LEUTX: variants seen among roughly 807,000 people sequenced by gnomAD.
The protein encoded by LEUTX is paired-like homeodomain transcription factor LEUTX.
LEUTX carries 5 observed loss-of-function variants against 4.5 expected under a neutral mutation model. The observed-to-expected ratio is 1.11, with a 90% CI of 0.58 to 2.34. The LOEUF is 2.34. Ranked by LOEUF, LEUTX falls within the 30% of genes most tolerant of loss-of-function variation. The pLI, the probability that LEUTX is intolerant of heterozygous loss-of-function variation, is 0.01. For synonymous variants in LEUTX, 89 were observed against 85.1 expected, an observed-to-expected ratio of 1.05 and a Z score of -0.25; for missense variants, 233 against 239.4, an observed-to-expected ratio of 0.97 and a Z score of 0.18.
In LEUTX at chr19:39,785,651, T is replaced by C. The variant is rs555000947; in HGVS notation, c.160-47T>C. ...TTCCTGAGGAACATGAGGATGCCCC[T>C]TTATACTCAACATCCATTATTAACC... On this transcript the variant is annotated intron_variant, in intron 2 of 2. Transcript: ENST00000638280. 445 of 1,455,202 alleles carry C rather than the reference T, an allele frequency of 3.1e-4. 3 individuals carry two copies. In the African/African-American group the frequency reaches 5.9e-3, roughly 19 times the overall value. 90.1% of individuals were successfully genotyped at this position (1,455,202 alleles called of 1,614,324 possible). A position where few individuals can be genotyped will look rare whatever the true frequency, so the allele number is the denominator to read the frequency against.
upstream of LEUTX, among the ~76,000 whole-genome samples, chr19:39,778,204 C>G (rs1443340382): frequency 6.6e-6 from 1 of 152,134 alleles, no homozygotes; most frequent in African/African-American, 2.4e-5. Context: ...GAGAGGGATG[C>G]TCAGAGGAAA....
chr19:39,781,431 G>A (rs989744949), intron 1 of LEUTX, among the ~76,000 whole-genome samples: 1 of 152,178 alleles, frequency 6.6e-6, no homozygotes, highest in Non-Finnish European at 1.5e-5. Context: ...CACTAATACA[G>A]TTTGCATATT....
intron 1 of LEUTX, 138 bp from the exon 2 acceptor site, chr19:39,784,389 G>A: frequency 1.9e-6 from 1 of 527,826 alleles, no homozygotes. Flanking sequence ...ATTTGTGTAG[G>A]CTCTGTCAGA....
chr19:39,781,279 GT>G (rs1568514658), intron 1 of LEUTX, among the ~76,000 whole-genome samples: 1 of 152,058 alleles, frequency 6.6e-6, no homozygotes, highest in African/African-American at 2.4e-5. Flanking sequence ...GTTGGCTTCT[GT>G]TTTTCCATGT....
At chr19:39,777,255 T>C (rs965504321), upstream of LEUTX, among the ~76,000 whole-genome samples, 1 of 152,218 alleles carries the variant, frequency 6.6e-6, no homozygotes, top group Non-Finnish European at 1.5e-5. Flanking sequence ...ACACCAGTAG[T>C]ATCATAATCA....
chr19:39,776,943 T>G (rs1967805296), upstream of LEUTX, among the ~76,000 whole-genome samples: 1 of 152,136 alleles, frequency 6.6e-6, no homozygotes, highest in African/African-American at 2.4e-5. Flanking sequence ...CTTGAATGGC[T>G]TTGTCCTTCA....
At chr19:39,777,208 C>A (rs73930624), upstream of LEUTX, among the ~76,000 whole-genome samples, 2,089 of 152,300 alleles carry the variant, frequency 0.014, 48 homozygotes, top group African/African-American at 0.046. Context: ...AAAACTACTG[C>A]ACATCCTCTG....
chr19:39,783,986 A>G (rs1225032710), intron 1 of LEUTX, among the ~76,000 whole-genome samples: 1 of 152,100 alleles, frequency 6.6e-6, no homozygotes, highest in Non-Finnish European at 1.5e-5. Context: ...TTAGTTTAAT[A>G]AAGTCCTAGC....
At chr19:39,776,481 T>C (rs1327720277), upstream of LEUTX, 3 of 385,382 alleles carry the variant, frequency 7.8e-6, no homozygotes, top group Non-Finnish European at 1.0e-5. Context: ...ACAGAAGTTC[T>C]GACCTGGCCT....
Position 39,786,278 on chromosome 19 carries a change from T to TC in LEUTX, c.*147dup. On this transcript the variant is annotated 3_prime_UTR_variant, in exon 3 of 3. Coordinates refer to ENST00000638280, the MANE Select transcript of LEUTX (RefSeq NM_001382345.1). ...TCTGTAGAAAAAACAATAAAGGAAC[T>TC]CCCCTACCTTTCATCATTGCCTGCA... 1 of 617,486 alleles carries TC rather than the reference T, an allele frequency of 1.6e-6. No individual in the cohort carries two copies. Among genetic ancestry groups the TC allele is most frequent in the Non-Finnish European group, 2.6e-6 (1 of 382,424 alleles). 38.3% of individuals were successfully genotyped at this position (617,486 alleles called of 1,614,324 possible).
At chr19:39,784,431 G>A (rs1386323473) in intron 1 of LEUTX, 96 bp from the exon 2 acceptor site, 6 of 627,146 alleles carry the variant, frequency 9.6e-6, no homozygotes, top group Non-Finnish European at 1.7e-5. Context: ...CTGTTGTTCA[G>A]ATTCTTTTGT....
rs17709621 is a variant in LEUTX at position 39,784,545 on chromosome 19, G to A, written c.26G>A (p.Arg9His). 0.095 allele frequency: 111,816 copies of A among 1,179,290 alleles called. 6,039 individuals are homozygous for A. Among genetic ancestry groups the A allele is most frequent in the Non-Finnish European group, 0.11 (88,090 of 807,272 alleles). The allele number at this position is 1,179,290 out of a possible 1,614,324, so 73.1% of individuals were successfully genotyped here. A position where few individuals can be genotyped will look rare whatever the true frequency, so the allele number is the denominator to read the frequency against. ...TCTGCAGAAGGGCCAAGGCGTTATC[G>A]TCGGCCACGCACAAGATTTCTCTCC... Reference protein sequence around the residue: MFEGPRRYRRPRTRFLSKQ... With the variant: MFEGPRRYHRPRTRFLSKQ... Residue 9 changes from arginine to histidine, a missense_variant, in exon 2 of 3, where the codon CGT (arginine) becomes CAT (histidine). Coordinates refer to ENST00000638280, the MANE Select transcript of LEUTX (RefSeq NM_001382345.1).
intron 1 of LEUTX, among the ~76,000 whole-genome samples, chr19:39,782,996 T>G (rs920972525): frequency 2.0e-5 from 3 of 152,072 alleles, no homozygotes; most frequent in Non-Finnish European, 4.4e-5. Flanking sequence ...CAGCATACAC[T>G]GCACCATATT....
upstream of LEUTX, among the ~76,000 whole-genome samples, chr19:39,777,833 A>G (rs1967818558): frequency 6.6e-6 from 1 of 152,184 alleles, no homozygotes; most frequent in African/African-American, 2.4e-5. Flanking sequence ...AAAGATACAG[A>G]TGGGTCCTTC....
At chr19:39,781,443 G>A (rs987874562) in intron 1 of LEUTX, among the ~76,000 whole-genome samples, 1 of 152,138 alleles carries the variant, frequency 6.6e-6, no homozygotes, top group Admixed American at 6.5e-5. Context: ...TTGCATATTT[G>A]TCCCCTCCAA....
At position 39,785,708 on chromosome 19, in the gene LEUTX, A is replaced by G; in HGVS notation, c.170A>G (p.Lys57Arg). 6.4e-7 allele frequency: 1 copy of G among 1,551,708 alleles called. No individual in the cohort carries two copies. The highest frequency in any genetic ancestry group is 1.2e-5 in the South Asian group (1 of 84,044). ...LDLSVVKIWF[K>R]NQRAKWKRQQ... ...CTCCTCCCTCCTTAGATCTGGTTCAAGAACCAGCGTGCCAAATGGAAGAGG... is the reference window on the plus strand; with the variant it reads ...CTCCTCCCTCCTTAGATCTGGTTCAGGAACCAGCGTGCCAAATGGAAGAGG... Residue 57 changes from lysine (K) to arginine (R), a missense_variant, in exon 3 of 3, where the codon AAG becomes AGG. Lys to Arg is a conservative substitution (Grantham distance 26). Transcript: ENST00000638280.
chr19:39,781,835 C>T (rs114619687), intron 1 of LEUTX, among the ~76,000 whole-genome samples: 268 of 152,272 alleles, frequency 1.8e-3, no homozygotes, highest in African/African-American at 6.0e-3. Flanking sequence ...TGGACTAACA[C>T]ATGCACCAAG....
intron 1 of LEUTX, among the ~76,000 whole-genome samples, chr19:39,783,173 C>A (rs1967912412): frequency 6.6e-6 from 1 of 150,446 alleles, no homozygotes; most frequent in Non-Finnish European, 1.5e-5. Context: ...GAATAATGGT[C>A]TCCAATCTAA....
chr19:39,784,654 A>G lies in LEUTX; in HGVS notation c.135A>G (p.Leu45=). ...CAATGGGGAAACTGGCTTCAAAGCT[A>G]CAACTTGATCTATCCGTAGTAAAGG... is the stretch of plus-strand genomic sequence containing the variant. ...LATMGKLASK[L]QLDLSVVKIW... Residue 45 remains leucine (L), a synonymous_variant, in exon 2 of 3, where the codon CTA becomes CTG. Transcript: ENST00000638280. 1 of 1,551,668 alleles carries G rather than the reference A, an allele frequency of 6.4e-7. No homozygotes were observed. Among genetic ancestry groups the G allele is most frequent in the Non-Finnish European group, 8.7e-7 (1 of 1,146,942 alleles).
Sources: gnomAD v4.1 joint callset for allele counts (sites outside exome capture counted in the v4.1 genomes callset) on GRCh38, gnomAD v4.1.1 for gene constraint, MANE v1.5 for transcripts, NCBI Gene and HGNC (gene_info 2026-07-23, HGNC 2026-07-21) for gene names.